The following UBR3 variants were observed in gnomAD, a reference collection of about 807,000 sequenced individuals.
The protein encoded by UBR3 is ubiquitin protein ligase E3 component n-recognin 3.
UBR3 carries 85 observed loss-of-function variants against 243.2 expected under a neutral mutation model. That is an observed-to-expected ratio of 0.35 (90% CI 0.29 to 0.42). The LOEUF (loss-of-function observed/expected upper bound fraction) is 0.42, where lower values mean the gene tolerates loss of function less well. UBR3 is among the 10% of genes least tolerant of loss of function. UBR3 has a pLI of 1.00. For missense variants in UBR3, 1,686 were observed against 2,300.8 expected (o/e 0.73, Z 5.47); for synonymous variants, 748 against 799.8 (o/e 0.94, Z 1.09).
intron 32 of UBR3, among the ~76,000 whole-genome samples, chr2:170,045,460 T>C (rs2091061175): frequency 6.6e-6 from 1 of 152,144 alleles, no homozygotes; most frequent in Non-Finnish European, 1.5e-5. Context: ...AAATCTGTTC[T>C]TAACCATGCT....
At chr2:169,990,015 G>A (rs2089202264) in intron 25 of UBR3, among the ~76,000 whole-genome samples, 1 of 152,108 alleles carries the variant, frequency 6.6e-6, no homozygotes, top group Non-Finnish European at 1.5e-5. Context: ...TCTCAAAGAA[G>A]CATTAGTTCC....
chr2:169,890,563 A>ATATATATATATATGTGTGTG lies in UBR3; in HGVS notation c.1039-601_1039-600insATATATATATATGTGTGTGT, dbSNP rs1255881148. ...GAGATATATATATATATATATATAT[A>ATATATATATATATGTGTGTG]TGTGTATATATATATATGTATATAT... On this transcript the variant is annotated intron_variant, in intron 5 of 38. Coordinates refer to ENST00000272793, the MANE Select transcript of UBR3 (RefSeq NM_172070.4). Among the ~76,000 whole-genome samples the ATATATATATATATGTGTGTG allele has an allele frequency of 8.3e-4, 70 of 83,846 alleles. 2 individuals carry two copies. Among genetic ancestry groups the ATATATATATATATGTGTGTG allele is most frequent in the African/African-American group, 2.9e-3 (57 of 19,696 alleles). 55.0% of individuals were successfully genotyped at this position (83,846 alleles called of 152,430 possible).
intron 16 of UBR3, 116 bp downstream of exon 16, chr2:169,927,087 A>G (rs2085937716): frequency 4.7e-6 from 6 of 1,289,240 alleles, no homozygotes; most frequent in Admixed American, 4.8e-5. Flanking sequence ...AATGTAAACA[A>G]TGTTTCAAAC....
chr2:169,870,128 T>G (rs963459734), intron 1 of UBR3, among the ~76,000 whole-genome samples: 2 of 152,194 alleles, frequency 1.3e-5, no homozygotes, highest in African/African-American at 2.4e-5. Context: ...CAGAATATAT[T>G]TCGTATATAG....
In UBR3 at chr2:169,937,498, A is replaced by G. The variant is rs200928146; in HGVS notation, c.2663+4490A>G. Among the ~76,000 whole-genome samples the G allele has an allele frequency of 6.6e-5, 10 of 151,316 alleles. No homozygotes were observed. In the East Asian group the frequency reaches 1.4e-3, roughly 21 times the overall value. ...TGGTAGTTTCTTTTGCAGTGCAGAA[A>G]CTCTTTAGTTTGATTAGATCCCATT... On this transcript the variant is annotated intron_variant, in intron 19 of 38. Coordinates refer to ENST00000272793, the MANE Select transcript of UBR3 (RefSeq NM_172070.4).
chr2:169,856,512 GATCACGCCACTGCACTCCAGC>G (rs1559026011), intron 1 of UBR3, among the ~76,000 whole-genome samples: 34 of 152,314 alleles, frequency 2.2e-4, no homozygotes, highest in Admixed American at 2.1e-3. Flanking sequence ...AGCGAGCCGA[GATCACGCCACTGCACTCCAGC>G]CTGGGCAGCA....
intron 8 of UBR3, among the ~76,000 whole-genome samples, chr2:169,901,355 TA>T (rs1270683873): frequency 7.9e-5 from 12 of 152,192 alleles, no homozygotes; most frequent in Admixed American, 6.5e-5. Flanking sequence ...AGCCAAGTTC[TA>T]AAACTATCTT....
intron 30 of UBR3, among the ~76,000 whole-genome samples, chr2:170,018,560 A>G (rs775385086): frequency 1.8e-4 from 27 of 152,296 alleles, no homozygotes; most frequent in Non-Finnish European, 3.5e-4. Flanking sequence ...ACTTGTTCCA[A>G]TGCCATGTCC....
At chr2:170,072,453 A>G (rs1382512891) in intron 35 of UBR3, among the ~76,000 whole-genome samples, 3 of 152,068 alleles carry the variant, frequency 2.0e-5, no homozygotes, top group Non-Finnish European at 4.4e-5. Flanking sequence ...GGATAGCATT[A>G]GGAGATATAC....
chr2:169,927,037 G>A, intron 16 of UBR3, 66 bp downstream of exon 16: 1 of 1,502,424 alleles, frequency 6.7e-7, no homozygotes, highest in Non-Finnish European at 9.0e-7. Context: ...CCTCCCTGTG[G>A]TAGTAACTGG....
chr2:169,903,402 C>G (rs2084902446), intron 8 of UBR3, among the ~76,000 whole-genome samples: 4 of 152,154 alleles, frequency 2.6e-5, no homozygotes, highest in Admixed American at 2.6e-4. Flanking sequence ...ATATCAATGG[C>G]TCACTAGCTC....
chr2:170,082,012 TA>T lies in UBR3; in HGVS notation c.*171del. The T allele has an allele frequency of 2.3e-6, 1 of 435,170 alleles. No homozygotes were observed. Among genetic ancestry groups the T allele is most frequent in the Non-Finnish European group, 4.1e-6 (1 of 246,256 alleles). 27.0% of individuals were successfully genotyped at this position (435,170 alleles called of 1,614,324 possible). ...GTGCTTGGTAATCACGTTAATGGTATAATTTTTTTTTTTTAATATCTGGAGA... is the reference window on the plus strand; with the variant it reads ...GTGCTTGGTAATCACGTTAATGGTATATTTTTTTTTTTTAATATCTGGAGA... On this transcript the variant is annotated 3_prime_UTR_variant, in exon 39 of 39. Transcript: ENST00000272793.
chr2:169,872,173 AG>A, intron 1 of UBR3, 62 bp from the exon 2 acceptor site: 1 of 1,146,710 alleles, frequency 8.7e-7, no homozygotes, highest in Non-Finnish European at 1.2e-6. Flanking sequence ...TATTGTAAAT[AG>A]AAATAATATA....
chr2:170,045,507 T>C (rs2105435291), intron 32 of UBR3, among the ~76,000 whole-genome samples: 1 of 152,238 alleles, frequency 6.6e-6, no homozygotes, highest in South Asian at 2.1e-4. Context: ...TATAGAGCAT[T>C]TGGGACCAGT....
rs764361351 is a variant in UBR3 at position 169,949,904 on chromosome 2, T to G, written c.3384T>G (p.His1128Gln). ...AACCAGAAATTCCTAAATACAGTCA[T>G]GGAGATGGTATAACTGCCGTGGAAA... Reference protein sequence around the residue: ...LIQPEIPKYSHGDGITAVERI... With the variant: ...LIQPEIPKYSQGDGITAVERI... The change falls in exon 23 of 39, where the codon CAT (histidine) becomes CAG (glutamine). Residue 1128 changes from histidine (H) to glutamine (Q), a missense_variant. By Grantham distance (24) the His-to-Gln change is conservative (BLOSUM62 0). Transcript: ENST00000272793. The G allele has an allele frequency of 1.2e-6, 2 of 1,613,188 alleles. No homozygotes were observed. The highest frequency in any genetic ancestry group is 8.5e-7 in the Non-Finnish European group (1 of 1,179,536).
Position 170,066,594 on chromosome 2 carries a change from AAAT to A in UBR3, c.5019+5155_5019+5157del, listed in dbSNP as rs2091572939. On this transcript the variant is annotated intron_variant, in intron 35 of 38. Coordinates refer to ENST00000272793, the MANE Select transcript of UBR3 (RefSeq NM_172070.4). ...CTGTCAAAATAATTTTCCCATGAAA[AAAT>A]AATGATAGCTAGCATTTACTACACA... Among the ~76,000 whole-genome samples, 4 of 152,342 alleles carry A rather than the reference AAAT, an allele frequency of 2.6e-5. No individual in the cohort carries two copies. The South Asian group carries it at 8.3e-4, about 32-fold the overall frequency.
chr2:169,922,515 A>T (rs565831898), intron 11 of UBR3, among the ~76,000 whole-genome samples: 1 of 152,218 alleles, frequency 6.6e-6, no homozygotes, highest in South Asian at 2.1e-4. Flanking sequence ...CAGTAGTGTT[A>T]TGTGTATTTG....
chr2:169,990,584 AAC>A (rs1231772131), intron 25 of UBR3, among the ~76,000 whole-genome samples: 5 of 152,106 alleles, frequency 3.3e-5, no homozygotes, highest in Admixed American at 1.3e-4. Flanking sequence ...TTGAGATAGA[AAC>A]ACAAAGGGAA....
At chr2:170,073,705 C>A in intron 36 of UBR3, 98 bp downstream of exon 36, 2 of 1,268,908 alleles carry the variant, frequency 1.6e-6, no homozygotes, top group Non-Finnish European at 1.1e-6. Flanking sequence ...CTGTTTTTGA[C>A]AGCAATTATA....
Sources: allele counts gnomAD v4.1 joint callset (sites outside exome capture counted in the v4.1 genomes callset), GRCh38; gene constraint gnomAD v4.1.1; transcripts MANE v1.5; gene names NCBI Gene and HGNC (gene_info 2026-07-23, HGNC 2026-07-21).